RFX4: variants seen among roughly 807,000 people sequenced by gnomAD.
RFX4 encodes transcription factor RFX4.
RFX4 carries 10 observed loss-of-function variants against 95.0 expected under a neutral mutation model. The ratio of observed to expected loss-of-function variants is 0.11; its 90% CI spans 0.06 to 0.18. The LOEUF is 0.18. Among genes scored for constraint, RFX4 ranks in the 10% least tolerant of loss-of-function variants. RFX4 has a pLI of 1.00. For synonymous variants in RFX4, 321 were observed against 340.7 expected, an observed-to-expected ratio of 0.94 and a Z score of 0.64; for missense variants, 640 against 922.0, an observed-to-expected ratio of 0.69 and a Z score of 3.96.
chr12:106,593,254 A>T (rs559814458), intron 1 of RFX4, among the ~76,000 whole-genome samples: 4 of 152,340 alleles, frequency 2.6e-5, no homozygotes, highest in African/African-American at 9.6e-5. Context: ...AAAGGCTGCA[A>T]CCCGGTGAAG....
chr12:106,589,428 G>C (rs1331770506), intron 1 of RFX4, among the ~76,000 whole-genome samples: 1 of 152,172 alleles, frequency 6.6e-6, no homozygotes, highest in African/African-American at 2.4e-5. Flanking sequence ...TTGGAGCTTA[G>C]AGGAAAGGAT....
chr12:106,594,025 TAA>T (rs2137170869), intron 1 of RFX4, among the ~76,000 whole-genome samples: 1 of 152,336 alleles, frequency 6.6e-6, no homozygotes, highest in East Asian at 1.9e-4. Context: ...GGTGCCTTTG[TAA>T]AGTTATTTGC....
chr12:106,757,682 C>G (rs953361849), intron 17 of RFX4, among the ~76,000 whole-genome samples: 4 of 152,202 alleles, frequency 2.6e-5, no homozygotes, highest in African/African-American at 7.2e-5. Context: ...GTGAGAGCCG[C>G]CTTTCATAGG....
chr12:106,635,919 T>C (rs978593773), intron 2 of RFX4, among the ~76,000 whole-genome samples: 1 of 152,228 alleles, frequency 6.6e-6, no homozygotes, highest in East Asian at 1.9e-4. Context: ...GGTTGAGTAT[T>C]GTTCTATGTG....
At chr12:106,676,134 T>A (rs1433544646) in intron 4 of RFX4, among the ~76,000 whole-genome samples, 1 of 152,062 alleles carries the variant, frequency 6.6e-6, no homozygotes, top group Non-Finnish European at 1.5e-5. Context: ...AAGTGGCACA[T>A]ACAAGGCAAT....
intron 14 of RFX4, 53 bp downstream of exon 14, chr12:106,732,302 C>A: frequency 6.2e-7 from 1 of 1,603,208 alleles, no homozygotes; most frequent in South Asian, 1.1e-5. Flanking sequence ...TATTTGTATC[C>A]TTACTTCTGT....
chr12:106,627,813 A>G (rs780713767), intron 2 of RFX4, among the ~76,000 whole-genome samples: 4 of 152,236 alleles, frequency 2.6e-5, no homozygotes, highest in Non-Finnish European at 4.4e-5. Context: ...CTCCAGGAGA[A>G]GAAGGAAGTT....
chr12:106,675,184 A>G (rs555927640), intron 4 of RFX4, among the ~76,000 whole-genome samples: 1 of 152,178 alleles, frequency 6.6e-6, no homozygotes, highest in African/African-American at 2.4e-5. Context: ...TAATCCCAGC[A>G]CTTTGGGAGG....
intron 2 of RFX4, among the ~76,000 whole-genome samples, chr12:106,624,487 G>C (rs1460066555): frequency 1.3e-5 from 2 of 152,088 alleles, no homozygotes; most frequent in Non-Finnish European, 2.9e-5. Context: ...ACCACGTCCA[G>C]CTACTTTTTG....
At chr12:106,583,451 C>T in intron 1 of RFX4, 88 bp downstream of exon 1, 2 of 1,318,370 alleles carry the variant, frequency 1.5e-6, no homozygotes, top group Non-Finnish European at 2.0e-6. Flanking sequence ...GGGAAAAGTT[C>T]AGACGGGTCA....
chr12:106,757,055 A>G (rs899908774), intron 17 of RFX4, among the ~76,000 whole-genome samples: 2 of 152,152 alleles, frequency 1.3e-5, no homozygotes, highest in African/African-American at 4.8e-5. Flanking sequence ...CTTGACCTTA[A>G]TTATTTCATC....
intron 3 of RFX4, among the ~76,000 whole-genome samples, chr12:106,648,723 A>C (rs902492465): frequency 6.6e-6 from 1 of 150,744 alleles, no homozygotes; most frequent in African/African-American, 2.4e-5. Flanking sequence ...ACTGACGCAG[A>C]GCGACCTTTC....
chr12:106,673,283 C>T (rs1406796518), intron 4 of RFX4, among the ~76,000 whole-genome samples: 3 of 152,192 alleles, frequency 2.0e-5, no homozygotes, highest in Non-Finnish European at 4.4e-5. Flanking sequence ...CCTGCTCCGG[C>T]TCCTCCCTGG....
chr12:106,695,746 T>C (rs763576228), intron 7 of RFX4, among the ~76,000 whole-genome samples: 12 of 152,146 alleles, frequency 7.9e-5, no homozygotes, highest in African/African-American at 1.2e-4. Context: ...GAAAAGACTT[T>C]TGCACTTGAC....
intron 4 of RFX4, among the ~76,000 whole-genome samples, chr12:106,675,074 G>A (rs1294074518): frequency 6.6e-6 from 1 of 152,180 alleles, no homozygotes; most frequent in Non-Finnish European, 1.5e-5. Flanking sequence ...CAATTAGGCA[G>A]GAAGAACAAG....
At chr12:106,746,146 A>G (rs971954862) in intron 15 of RFX4, among the ~76,000 whole-genome samples, 1 of 152,116 alleles carries the variant, frequency 6.6e-6, no homozygotes, top group East Asian at 1.9e-4. Flanking sequence ...TCACAAGGTT[A>G]GGAGTTCGAG....
chr12:106,716,993 C>G (rs1335520128), intron 11 of RFX4, among the ~76,000 whole-genome samples: 1 of 103,278 alleles, frequency 9.7e-6, no homozygotes, highest in Admixed American at 1.4e-4. Flanking sequence ...TTCATGTGCA[C>G]AGGAGACAAA....
chr12:106,668,125 G>T (rs2041213727), intron 4 of RFX4, among the ~76,000 whole-genome samples: 1 of 152,080 alleles, frequency 6.6e-6, no homozygotes, highest in Non-Finnish European at 1.5e-5. Context: ...AGCTGCAGTT[G>T]GGCAGCTCCT....
chr12:106,603,024 G>A (rs764211739), intron 1 of RFX4, among the ~76,000 whole-genome samples: 20 of 152,354 alleles, frequency 1.3e-4, no homozygotes, highest in Non-Finnish European at 2.4e-4. Flanking sequence ...TGTAATATAT[G>A]TGTGTCCTGT....
Sources: gnomAD v4.1 joint callset for allele counts (sites outside exome capture counted in the v4.1 genomes callset) on GRCh38, gnomAD v4.1.1 for gene constraint, MANE v1.5 for transcripts, NCBI Gene and HGNC (gene_info 2026-07-23, HGNC 2026-07-21) for gene names.